MTMR6: variants seen among roughly 807,000 people sequenced by gnomAD.
The protein encoded by MTMR6 is myotubularin related protein 6.
MTMR6 carries 47 observed loss-of-function variants against 80.1 expected under a neutral mutation model. That is an observed-to-expected ratio of 0.59 (90% CI 0.46 to 0.75). MTMR6 has a LOEUF of 0.75. Ranked by LOEUF, MTMR6 falls within the 30% of genes least tolerant of loss-of-function variation. MTMR6 has a pLI of 0.00. For synonymous variants in MTMR6, 254 were observed against 253.0 expected, an observed-to-expected ratio of 1.00 and a Z score of -0.04; for missense variants, 629 against 730.9, an observed-to-expected ratio of 0.86 and a Z score of 1.61.
Position 25,267,819 on chromosome 13 carries a change from G to A in MTMR6, c.264C>T (p.Cys88=), listed in dbSNP as rs747870487. 6 of 1,613,682 alleles carry A rather than the reference G, an allele frequency of 3.7e-6. No individual in the cohort carries two copies. Among genetic ancestry groups the A allele is most frequent in the South Asian group, 1.1e-5 (1 of 90,962 alleles). ...GTAGCAAAGAGTTGTAAATATCATG[G>A]CAATCTCTTTCTCTGGGAACAATGA... is the stretch of plus-strand genomic sequence containing the variant. The part of the protein sequence containing the change: ...VHFIVPRERD[C]HDIYNSLLQL... The change falls in exon 3 of 14, where the codon TGC becomes TGT. Residue 88 remains cysteine (C), a synonymous_variant. Coordinates refer to ENST00000381801, the MANE Select transcript of MTMR6 (RefSeq NM_004685.5).
rs1957001661 is a variant in MTMR6 at position 25,247,438 on chromosome 13, C to T, written c.*1794G>A. ...TTAAGATGTAACTGATTTCTCAGTC[C>T]ACCTGTGAGCATATAAACACACAAA... On this transcript the variant is annotated 3_prime_UTR_variant, in exon 14 of 14. Transcript: ENST00000381801. The T allele has an allele frequency of 2.0e-5, 3 of 152,674 alleles. No individual in the cohort carries two copies. In the South Asian group the frequency reaches 6.2e-4, roughly 32 times the overall value. 9.5% of individuals were successfully genotyped at this position (152,674 alleles called of 1,614,324 possible).
intron 9 of MTMR6, among the ~76,000 whole-genome samples, chr13:25,254,827 A>G (rs1416511766): frequency 1.3e-5 from 2 of 151,068 alleles, no homozygotes; most frequent in African/African-American, 4.8e-5. Context: ...ACTGAGGTGG[A>G]TATTTTAAAA....
intron 1 of MTMR6, among the ~76,000 whole-genome samples, chr13:25,275,078 CTT>C (rs1323381676): frequency 6.6e-6 from 1 of 151,332 alleles, no homozygotes; most frequent in African/African-American, 2.4e-5. Flanking sequence ...TGCTGGGAAT[CTT>C]TGTGTTATTC....
chr13:25,259,919 T>A (rs1417829914), intron 6 of MTMR6, among the ~76,000 whole-genome samples: 3 of 152,162 alleles, frequency 2.0e-5, no homozygotes, highest in African/African-American at 7.2e-5. Context: ...TGGAGTGCAA[T>A]GGCACAATCT....
intron 1 of MTMR6, among the ~76,000 whole-genome samples, chr13:25,281,862 C>T (rs1369839254): frequency 1.3e-5 from 2 of 152,146 alleles, no homozygotes; most frequent in Admixed American, 1.3e-4. Context: ...CATAAATTAT[C>T]AAATGAAACA....
intron 11 of MTMR6, 35 bp from the exon 12 acceptor site, chr13:25,252,019 T>C (rs778061798): frequency 6.3e-7 from 1 of 1,586,752 alleles, no homozygotes; most frequent in East Asian, 2.2e-5. Context: ...AGATCTTTCC[T>C]ATAGATGCAA....
At chr13:25,260,160 G>T (rs1443251241) in intron 6 of MTMR6, among the ~76,000 whole-genome samples, 6 of 150,422 alleles carry the variant, frequency 4.0e-5, no homozygotes, top group Non-Finnish European at 1.5e-5. Flanking sequence ...ACCATGTCCA[G>T]CCAGATAATT....
chr13:25,281,741 G>T (rs138501978), intron 1 of MTMR6, among the ~76,000 whole-genome samples: 2 of 152,134 alleles, frequency 1.3e-5, no homozygotes, highest in African/African-American at 4.8e-5. Context: ...CTGACATCCT[G>T]CCAAGAATTA....
intron 1 of MTMR6, among the ~76,000 whole-genome samples, chr13:25,281,626 G>A (rs9511738): frequency 0.86 from 130,812 of 152,030 alleles, 56,916 homozygotes; most frequent in East Asian, 0.98. Context: ...AACAATAGAC[G>A]CTGTGGCTAC....
chr13:25,247,891 G>A lies in MTMR6; in HGVS notation c.*1341C>T, dbSNP rs1957012457. The A allele has an allele frequency of 6.6e-6, 1 of 152,102 alleles. No individual in the cohort carries two copies. Among genetic ancestry groups the A allele is most frequent in the African/African-American group, 2.4e-5 (1 of 41,442 alleles). The allele number at this position is 152,102 out of a possible 1,614,324, so 9.4% of individuals were successfully genotyped here. A position where few individuals can be genotyped will look rare whatever the true frequency, so the allele number is the denominator to read the frequency against. ...CTCGAATTGTACTTCATGCCACCAT[G>A]TTATTTAAATTTTCAATTTTAAAGC... On this transcript the variant is annotated 3_prime_UTR_variant, in exon 14 of 14. Transcript: ENST00000381801.
chr13:25,249,991 T>C (rs555066194), intron 13 of MTMR6, among the ~76,000 whole-genome samples: 1 of 152,328 alleles, frequency 6.6e-6, no homozygotes, highest in South Asian at 2.1e-4. Context: ...ATTTTTAAAG[T>C]GTCCTGTGGC....
intron 2 of MTMR6, among the ~76,000 whole-genome samples, chr13:25,271,069 A>G (rs991676430): frequency 6.6e-6 from 1 of 152,078 alleles, no homozygotes; most frequent in African/African-American, 2.4e-5. Context: ...AAAGTTACAT[A>G]CTTTTTGGCA....
At chr13:25,285,332 G>C (rs1414557349) in intron 1 of MTMR6, among the ~76,000 whole-genome samples, 1 of 151,382 alleles carries the variant, frequency 6.6e-6, no homozygotes, top group Non-Finnish European at 1.5e-5. Flanking sequence ...CCTAAGAATA[G>C]GATTTGCTCT....
intron 1 of MTMR6, among the ~76,000 whole-genome samples, chr13:25,282,129 T>G (rs1957863951): frequency 6.6e-6 from 1 of 152,066 alleles, no homozygotes; most frequent in East Asian, 1.9e-4. Flanking sequence ...TCAAAGGGTT[T>G]TTGCCCCTGT....
In MTMR6 at chr13:25,247,345, G is replaced by A. The variant is rs1956999720; in HGVS notation, c.*1887C>T. ...CATGCTATACACTTCCAAACACACT[G>A]AACATAAATTCAACTTTATAAGACA... On this transcript the variant is annotated 3_prime_UTR_variant, in exon 14 of 14. Transcript: ENST00000381801. 6.6e-6 allele frequency: 1 copy of A among 152,542 alleles called. No homozygotes were observed. Among genetic ancestry groups the A allele is most frequent in the Admixed American group, 6.5e-5 (1 of 15,268 alleles). 9.4% of individuals were successfully genotyped at this position (152,542 alleles called of 1,614,324 possible).
Position 25,251,273 on chromosome 13 carries a change from G to A in MTMR6, c.1605+376C>T, listed in dbSNP as rs543207251. The stretch of plus-strand genomic sequence containing the variant: ...CCTGACCTGGTGATCCACCCGCCTC[G>A]GCCTCCCAAAGTGCTGGGATTACAG... On this transcript the variant is annotated intron_variant, in intron 13 of 13. Transcript: ENST00000381801. This position sits in a 1 kb window ranked among gnomAD's most constrained non-coding sequence, Gnocchi z 4.1. 9.0e-4 allele frequency among the ~76,000 whole-genome samples: 137 copies of A among 151,866 alleles called. No homozygotes were observed. The highest frequency in any genetic ancestry group is 1.6e-3 in the Non-Finnish European group (112 of 67,972).
At chr13:25,265,646 C>T (rs1159956060) in intron 5 of MTMR6, among the ~76,000 whole-genome samples, 173 bp downstream of exon 5, 10 of 151,788 alleles carry the variant, frequency 6.6e-5, no homozygotes, top group African/African-American at 1.9e-4. Context: ...GGCACAAGAA[C>T]TGCTTGAACC....
intron 1 of MTMR6, among the ~76,000 whole-genome samples, chr13:25,283,147 C>A (rs937706792): frequency 6.6e-6 from 1 of 151,984 alleles, no homozygotes; most frequent in Non-Finnish European, 1.5e-5. Flanking sequence ...CTTACTCACA[C>A]TGCCCCAACT....
intron 1 of MTMR6, among the ~76,000 whole-genome samples, chr13:25,274,947 C>G (rs1222004199): frequency 2.5e-4 from 32 of 126,974 alleles, no homozygotes; most frequent in Admixed American, 8.9e-4. Flanking sequence ...CAGACACACA[C>G]ACACACACAC....
Sources: gnomAD v4.1 joint callset for allele counts (sites outside exome capture counted in the v4.1 genomes callset) on GRCh38, gnomAD v4.1.1 for gene constraint, Gnocchi (gnomAD v3.1) non-coding constraint, MANE v1.5 for transcripts, NCBI Gene and HGNC (gene_info 2026-07-23, HGNC 2026-07-21) for gene names.